Variants in DNAJC25 observed in about 807,000 individuals in gnomAD.
DNAJC25 encodes dnaJ homolog subfamily C member 25.
Under a neutral mutation model 42.1 loss-of-function variants are expected in DNAJC25, and 26 were observed. The observed-to-expected ratio is 0.62, with a 90% CI of 0.45 to 0.86. The LOEUF is 0.86. DNAJC25 is among the 40% of genes least tolerant of loss of function. DNAJC25 has a pLI of 0.00. For synonymous variants in DNAJC25, 189 were observed against 179.9 expected (o/e 1.05, Z -0.40); for missense variants, 404 against 459.4 (o/e 0.88, Z 1.10).
At chr9:111,650,377 A>G (rs1029689833) in intron 3 of DNAJC25, among the ~76,000 whole-genome samples, 2 of 151,944 alleles carry the variant, frequency 1.3e-5, no homozygotes, top group Admixed American at 1.3e-4. Flanking sequence ...TGAGCACAAG[A>G]TATTCTGCGT....
intron 1 of DNAJC25, among the ~76,000 whole-genome samples, chr9:111,635,994 A>G (rs1408747137): frequency 6.6e-6 from 1 of 152,210 alleles, no homozygotes; most frequent in African/African-American, 2.4e-5. Context: ...AGGGGCTTGG[A>G]GGAGACCATA....
Position 111,640,852 on chromosome 9 carries a change from CG to C in DNAJC25, c.337-6254del, listed in dbSNP as rs1290727765. Among the ~76,000 whole-genome samples the C allele has an allele frequency of 2.4e-5, 3 of 123,928 alleles. 1 individual carries two copies. Among genetic ancestry groups the C allele is most frequent in the Non-Finnish European group, 4.9e-5 (3 of 60,988 alleles). 81.3% of individuals were successfully genotyped at this position (123,928 alleles called of 152,430 possible). On this transcript the variant is annotated intron_variant, in intron 1 of 3. Transcript: ENST00000313525. ...AGGGAGGTGGGGGGGGCCAGCCCCC[CG>C]CCCGGCCAGCCGCCCCATCCGGGAG...
intron 2 of DNAJC25, among the ~76,000 whole-genome samples, chr9:111,648,984 A>G (rs1183501814): frequency 6.6e-6 from 1 of 152,198 alleles, no homozygotes; most frequent in African/African-American, 2.4e-5. Flanking sequence ...GGCTTAGGAA[A>G]AGAGATGGGA....
chr9:111,643,321 C>T (rs1349392726), intron 1 of DNAJC25, among the ~76,000 whole-genome samples: 2 of 152,182 alleles, frequency 1.3e-5, no homozygotes, highest in Non-Finnish European at 2.9e-5. Flanking sequence ...TACTGAATGC[C>T]AGGCACTGTA....
At position 111,653,034 on chromosome 9, in the gene DNAJC25, G is replaced by T. The variant is rs1436685686; in HGVS notation, c.961-66G>T. ...CATTATGTTAGAAAAATGTAAATAT[G>T]CCATAAAGCTAATGGCAAATGTTCC... is the stretch of plus-strand genomic sequence containing the variant. On this transcript the variant is annotated intron_variant, in intron 3 of 3. Transcript: ENST00000313525. 7.8e-6 allele frequency: 11 copies of T among 1,413,372 alleles called. No homozygotes were observed. The East Asian group carries it at 2.6e-4, about 33-fold the overall frequency. The allele number at this position is 1,413,372 out of a possible 1,614,324, so 87.6% of individuals were successfully genotyped here.
chr9:111,632,271 C>G (rs1653124241), intron 1 of DNAJC25, among the ~76,000 whole-genome samples: 2 of 151,958 alleles, frequency 1.3e-5, no homozygotes, highest in Admixed American at 1.3e-4. Context: ...CTGTGACACC[C>G]CTGTATGACC....
At chr9:111,641,039 G>C (rs1260555695) in intron 1 of DNAJC25, among the ~76,000 whole-genome samples, 1 of 103,054 alleles carries the variant, frequency 9.7e-6, no homozygotes, top group Non-Finnish European at 1.9e-5. Flanking sequence ...GCCCCGTCCG[G>C]GAGGTGAGGG....
chr9:111,640,247 G>C (rs1830431861), intron 1 of DNAJC25, among the ~76,000 whole-genome samples: 1 of 148,626 alleles, frequency 6.7e-6, no homozygotes, highest in Non-Finnish European at 1.5e-5. Flanking sequence ...GCCCAGGCTG[G>C]AGTGCAGTGG....
At chr9:111,647,299 T>C in intron 2 of DNAJC25, 40 bp downstream of exon 2, 1 of 1,602,400 alleles carries the variant, frequency 6.2e-7, no homozygotes, top group Non-Finnish European at 8.5e-7. Flanking sequence ...TTTATGTGCA[T>C]TGAGTGCACA....
At chr9:111,639,079 CT>C (rs1179611960) in intron 1 of DNAJC25, among the ~76,000 whole-genome samples, 2 of 152,138 alleles carry the variant, frequency 1.3e-5, no homozygotes, top group East Asian at 3.8e-4. Flanking sequence ...CCCCATTTCC[CT>C]TCTGTTGTGA....
In DNAJC25 at chr9:111,653,925, T is replaced by C. The variant is rs1830703963; in HGVS notation, c.*703T>C. 6.6e-6 allele frequency: 1 copy of C among 152,628 alleles called. No individual in the cohort carries two copies. The highest frequency in any genetic ancestry group is 6.5e-5 in the Admixed American group (1 of 15,284). 9.5% of individuals were successfully genotyped at this position (152,628 alleles called of 1,614,324 possible). On this transcript the variant is annotated 3_prime_UTR_variant, in exon 4 of 4. Transcript: ENST00000313525. ...TAGGATGATCTTGATTATAGTCTTA[T>C]TATAGGACTATAACTGTATTCTCAA...
rs536838320 is a variant in DNAJC25, at chr9:111,636,608, C to T, written c.336+4865C>T. On this transcript the variant is annotated intron_variant, in intron 1 of 3. Coordinates refer to ENST00000313525, the MANE Select transcript of DNAJC25 (RefSeq NM_001015882.3). Reference sequence around the variant, plus strand: ...TAGCTGCGATTACTGGCACATGCACCGAACCCTAAAATTATATAAATTTCT... The same window carrying T: ...TAGCTGCGATTACTGGCACATGCACTGAACCCTAAAATTATATAAATTTCT... Among the ~76,000 whole-genome samples the T allele has an allele frequency of 3.9e-5, 6 of 152,210 alleles. No individual in the cohort carries two copies. In the South Asian group the frequency reaches 6.2e-4, roughly 16 times the overall value.
intron 1 of DNAJC25, 56 bp downstream of exon 1, chr9:111,631,799 G>T: frequency 6.8e-7 from 1 of 1,460,784 alleles, no homozygotes; most frequent in Non-Finnish European, 9.0e-7. Flanking sequence ...AGCCCACGGC[G>T]CCTTCCGACC....
intron 3 of DNAJC25, 68 bp downstream of exon 3, chr9:111,649,991 A>C: frequency 7.3e-7 from 1 of 1,368,536 alleles, no homozygotes; most frequent in Non-Finnish European, 9.8e-7. Context: ...GTGTATTATA[A>C]TGAGGGATCA....
At chr9:111,652,736 G>A (rs180801712) in intron 3 of DNAJC25, among the ~76,000 whole-genome samples, 57 of 151,348 alleles carry the variant, frequency 3.8e-4, no homozygotes, top group African/African-American at 1.3e-3. Flanking sequence ...AGGAGAGACG[G>A]GGGTTTCACC....
chr9:111,647,517 A>G (rs1178961758), intron 2 of DNAJC25, among the ~76,000 whole-genome samples: 2 of 152,200 alleles, frequency 1.3e-5, no homozygotes, highest in Admixed American at 6.5e-5. Context: ...TATTTTCTAC[A>G]TAATAGCCAG....
chr9:111,637,327 A>C (rs1218734164), intron 1 of DNAJC25, among the ~76,000 whole-genome samples: 1 of 152,196 alleles, frequency 6.6e-6, no homozygotes, highest in Non-Finnish European at 1.5e-5. Context: ...TTGAATAGTT[A>C]CCAGAAGTTT....
At chr9:111,652,252 G>A (rs1191755790) in intron 3 of DNAJC25, among the ~76,000 whole-genome samples, 2 of 151,978 alleles carry the variant, frequency 1.3e-5, no homozygotes, top group Non-Finnish European at 2.9e-5. Flanking sequence ...GCTCACGCCT[G>A]TAATCCCAAC....
chr9:111,645,172 CAT>C (rs1251206970), intron 1 of DNAJC25, among the ~76,000 whole-genome samples: 1 of 152,066 alleles, frequency 6.6e-6, no homozygotes, highest in Non-Finnish European at 1.5e-5. Context: ...TACATCGTTT[CAT>C]ATACTGGTGA....
Sources: allele counts gnomAD v4.1 joint callset (sites outside exome capture counted in the v4.1 genomes callset), GRCh38; gene constraint gnomAD v4.1.1; transcripts MANE v1.5; gene names NCBI Gene and HGNC (gene_info 2026-07-23, HGNC 2026-07-21).